The following EMC4 variants were observed in gnomAD, a reference collection of about 807,000 sequenced individuals.
The protein encoded by EMC4 is cell proliferation-inducing gene 17 protein.
Under a neutral mutation model 24.2 loss-of-function variants are expected in EMC4, and 9 were observed. The ratio of observed to expected loss-of-function variants is 0.37; its 90% confidence interval spans 0.22 to 0.65. EMC4 has a LOEUF of 0.65. EMC4 is among the 30% of genes least tolerant of loss of function. The pLI is 0.59. For synonymous variants in EMC4, 86 were observed against 81.1 expected (o/e 1.06, Z -0.32); for missense variants, 169 against 234.6 (o/e 0.72, Z 1.83).
In EMC4 at chr15:34,225,052, G is replaced by A. The variant is rs1158714688; in HGVS notation, c.-63G>A. ...GTGAGACAAAGCGGAGAACGCTGGT[G>A]GGCCTGTTGTGGAGTACGCTTTGGA... On this transcript the variant is annotated 5_prime_UTR_variant, in exon 1 of 5. Transcript: ENST00000267750. 7.6e-7 allele frequency: 1 copy of A among 1,322,616 alleles called. No individual in the cohort carries two copies. Among genetic ancestry groups the A allele is most frequent in the Admixed American group, 2.0e-5 (1 of 50,678 alleles). The allele number at this position is 1,322,616 out of a possible 1,614,324, so 81.9% of individuals were successfully genotyped here.
intron 2 of EMC4, chr15:34,226,586 G>A (rs1288256125): frequency 1.3e-5 from 2 of 152,016 alleles, no homozygotes; most frequent in Admixed American, 1.3e-4. Context: ...TTGTCGCCGA[G>A]GCTGGAATGC....
At chr15:34,228,862 T>C (rs374831427) in intron 4 of EMC4, 3 of 262,926 alleles carry the variant, frequency 1.1e-5, no homozygotes, top group Middle Eastern at 1.3e-3. Flanking sequence ...TTTTTTTGTA[T>C]CTTTTAGTAG....
At position 34,225,620 on chromosome 15, in the gene EMC4, G is replaced by A. The variant is rs1486863883; in HGVS notation, c.171G>A (p.Val57=). The change falls in exon 2 of 5, where the codon GTG becomes GTA. Residue 57 remains valine, a synonymous_variant. Coordinates refer to ENST00000267750, the MANE Select transcript of EMC4 (RefSeq NM_016454.4). The part of the protein sequence containing the change: ...YLDKQVPDTS[V]QETDRILVEK... ...ACAAGCAAGTGCCTGATACCAGCGT[G>A]CAAGAGACAGACCGGATCCTGGTGG... The A allele has an allele frequency of 2.6e-5, 42 of 1,613,988 alleles. No homozygotes were observed. Among genetic ancestry groups the A allele is most frequent in the Non-Finnish European group, 3.3e-5 (39 of 1,179,980 alleles).
chr15:34,225,594 G>A lies in EMC4; in HGVS notation c.145G>A (p.Asp49Asn), dbSNP rs868661918. 5.0e-6 allele frequency: 8 copies of A among 1,614,162 alleles called. No individual in the cohort carries two copies. The highest frequency in any genetic ancestry group is 2.2e-5 in the East Asian group (1 of 44,876). Residue 49 changes from aspartate to asparagine, a missense_variant, in exon 2 of 5, where the codon GAC (aspartate) becomes AAC (asparagine). Physicochemically the swap from Asp to Asn is conservative, Grantham distance 23. Coordinates refer to ENST00000267750, the MANE Select transcript of EMC4 (RefSeq NM_016454.4). ...GDSLYPVGYLDKQVPDTSVQE... is the reference protein window; with the variant it reads ...GDSLYPVGYLNKQVPDTSVQE... ...CTCGCTCTACCCAGTCGGTTACTTG[G>A]ACAAGCAAGTGCCTGATACCAGCGT... is the stretch of plus-strand genomic sequence containing the variant.
intron 3 of EMC4, 174 bp downstream of exon 3, chr15:34,228,020 T>C (rs1019835298): frequency 3.0e-5 from 18 of 605,440 alleles, no homozygotes; most frequent in African/African-American, 1.5e-4. Flanking sequence ...TTGTCTCTAC[T>C]AAAAATGCAA....
chr15:34,228,689 T>C (rs1890729931), intron 4 of EMC4, 100 bp downstream of exon 4: 3 of 316,994 alleles, frequency 9.5e-6, no homozygotes, highest in Non-Finnish European at 9.5e-6. Flanking sequence ...TGAGTTTCTT[T>C]TTTTTTTTTT....
rs1027769073 is a variant in EMC4 at position 34,225,206 on chromosome 15, G to A, written c.86+6G>A. 15 of 1,547,366 alleles carry A rather than the reference G, an allele frequency of 9.7e-6. No individual in the cohort carries two copies. Among genetic ancestry groups the A allele is most frequent in the Non-Finnish European group, 1.3e-5 (15 of 1,144,592 alleles). On this transcript the variant is annotated splice_donor_region_variant and intron_variant, in intron 1 of 4. Coordinates refer to ENST00000267750, the MANE Select transcript of EMC4 (RefSeq NM_016454.4). ...GGGCCTGGAGGAGGCAGCAGGTGAG[G>A]CACCTGGGCAAGCTGTACATCACTG...
rs565460321 is a variant in EMC4 at position 34,227,999 on chromosome 15, A to G, written c.355+153A>G. The G allele has an allele frequency of 6.2e-5, 45 of 720,486 alleles. No homozygotes were observed. In the East Asian group the frequency reaches 1.3e-3, roughly 21 times the overall value. The allele number at this position is 720,486 out of a possible 1,614,324, so 44.6% of individuals were successfully genotyped here. On this transcript the variant is annotated intron_variant, in intron 3 of 4. Transcript: ENST00000267750. ...GGAGTTCGAGACCAGCCTGGCCAAC[A>G]TGGTGAAACCTTGTCTCTACTAAAA...
Position 34,230,134 on chromosome 15 carries a change from G to A in EMC4, c.*346G>A. On this transcript the variant is annotated 3_prime_UTR_variant, in exon 5 of 5. Coordinates refer to ENST00000267750, the MANE Select transcript of EMC4 (RefSeq NM_016454.4). ...GCATCTCCTTTCAATAAATTAAATG[G>A]TTGAGAACAATGCATAAAAAAAGTT... 2 of 268,508 alleles carry A rather than the reference G, an allele frequency of 7.4e-6. No individual in the cohort carries two copies. The highest frequency in any genetic ancestry group is 1.4e-5 in the Non-Finnish European group (2 of 144,074). The allele number at this position is 268,508 out of a possible 1,614,324, so 16.6% of individuals were successfully genotyped here.
At chr15:34,227,031 CATA>C (rs1239130806) in intron 2 of EMC4, 1 of 149,476 alleles carries the variant, frequency 6.7e-6, no homozygotes. Context: ...AATTCCCAAA[CATA>C]AGAGATTTTC....
intron 4 of EMC4, chr15:34,229,484 C>A: frequency 2.8e-6 from 1 of 353,038 alleles, no homozygotes; most frequent in Non-Finnish European, 5.2e-6. Context: ...AGGTGTGCAC[C>A]CCAATGGCTC....
intron 1 of EMC4, 44 bp downstream of exon 1, chr15:34,225,244 C>A (rs1890618948): frequency 6.8e-7 from 1 of 1,462,122 alleles, no homozygotes; most frequent in Non-Finnish European, 9.3e-7. Flanking sequence ...CATCCCAGAA[C>A]TGCACCAGAG....
rs1202897976 is a variant in EMC4, at chr15:34,230,041, AAAC to A, written c.*262_*264del. ...TTATTTTTGTTTCCAGTACAGAGCA[AAAC>A]AACAACAAAAAAACATAACTATGTA... On this transcript the variant is annotated 3_prime_UTR_variant, in exon 5 of 5. Coordinates refer to ENST00000267750, the MANE Select transcript of EMC4 (RefSeq NM_016454.4). 2.6e-5 allele frequency: 12 copies of A among 458,498 alleles called. No homozygotes were observed. The highest frequency in any genetic ancestry group is 2.4e-4 in the East Asian group (7 of 29,230). The allele number at this position is 458,498 out of a possible 1,614,324, so 28.4% of individuals were successfully genotyped here.
At chr15:34,225,906 G>A (rs541365002) in intron 2 of EMC4, 8 of 478,738 alleles carry the variant, frequency 1.7e-5, no homozygotes, top group African/African-American at 1.4e-4. Flanking sequence ...TCTTCCAGTT[G>A]AAGTGATCCT....
In EMC4 at chr15:34,225,164, G is replaced by C. The variant is rs1263575140; in HGVS notation, c.50G>C (p.Trp17Ser). The change falls in exon 1 of 5, where the codon TGG becomes TCG. Residue 17 changes from tryptophan (W) to serine (S), a missense_variant. Physicochemically the swap from Trp to Ser is radical, Grantham distance 177. Coordinates refer to ENST00000267750, the MANE Select transcript of EMC4 (RefSeq NM_016454.4). ...LVANRGRRFK[W>S]AIELSGPGGG... is the part of the protein sequence containing the mutation. ...GCTAACCGAGGCCGGCGCTTCAAGTGGGCCATTGAGCTAAGCGGGCCTGGA... is the reference window on the plus strand; with the variant it reads ...GCTAACCGAGGCCGGCGCTTCAAGTCGGCCATTGAGCTAAGCGGGCCTGGA... 6.4e-7 allele frequency: 1 copy of C among 1,551,446 alleles called. No individual in the cohort carries two copies. The highest frequency in any genetic ancestry group is 1.4e-5 in the African/African-American group (1 of 73,060).
chr15:34,229,847 A>T lies in EMC4; in HGVS notation c.*59A>T, dbSNP rs1158600499. On this transcript the variant is annotated 3_prime_UTR_variant, in exon 5 of 5. Coordinates refer to ENST00000267750, the MANE Select transcript of EMC4 (RefSeq NM_016454.4). ...TGGGTCTTATTTACATCCTTCTTTAAGCCCAGTGGCTCCTCAGCATACTCT... is the reference window on the plus strand; with the variant it reads ...TGGGTCTTATTTACATCCTTCTTTATGCCCAGTGGCTCCTCAGCATACTCT... 1.9e-6 allele frequency: 3 copies of T among 1,550,588 alleles called. No homozygotes were observed. The Admixed American group carries it at 5.0e-5, about 26-fold the overall frequency.
chr15:34,227,544 G>T, intron 2 of EMC4, 149 bp from the exon 3 acceptor site: 1 of 736,374 alleles, frequency 1.4e-6, no homozygotes. Flanking sequence ...TGGCAACGTG[G>T]AGAAGGGAAG....
Position 34,225,122 on chromosome 15 carries a change from C to T in EMC4, c.8C>T (p.Ala3Val), listed in dbSNP as rs751425103. Residue 3 changes from alanine to valine, a missense_variant, in exon 1 of 5, where the codon GCC becomes GTC. Ala to Val is a moderately conservative substitution (Grantham distance 64). Coordinates refer to ENST00000267750, the MANE Select transcript of EMC4 (RefSeq NM_016454.4). Reference protein sequence around the residue: MTAQGGLVANRGR... With the variant: MTVQGGLVANRGR... ...TAGGACGCAGCTGTTGCCATGACGG[C>T]CCAGGGGGGCCTGGTGGCTAACCGA... 33 of 1,551,528 alleles carry T rather than the reference C, an allele frequency of 2.1e-5. No individual in the cohort carries two copies. The highest frequency in any genetic ancestry group is 2.8e-5 in the Non-Finnish European group (32 of 1,146,964).
At position 34,230,078 on chromosome 15, in the gene EMC4, A is replaced by C. The variant is rs1890824016; in HGVS notation, c.*290A>C. 2.5e-6 allele frequency: 1 copy of C among 400,932 alleles called. No individual in the cohort carries two copies. Among genetic ancestry groups the C allele is most frequent in the Non-Finnish European group, 4.4e-6 (1 of 226,092 alleles). The allele number at this position is 400,932 out of a possible 1,614,324, so 24.8% of individuals were successfully genotyped here. On this transcript the variant is annotated 3_prime_UTR_variant, in exon 5 of 5. Transcript: ENST00000267750. ...AAAAACATAACTATGTAAACAAGAG[A>C]ATAACTGCTGCTAAATCAAGAACTG...
Sources: allele counts gnomAD v4.1 joint callset, GRCh38; gene constraint gnomAD v4.1.1; transcripts MANE v1.5; gene names NCBI Gene and HGNC (gene_info 2026-07-23, HGNC 2026-07-21).